Variants in CHD7 observed in about 807,000 individuals in gnomAD.
CHD7 encodes ATP-dependent chromatin remodeler CHD7.
In CHD7, 24 loss-of-function variants were observed where a neutral mutation model predicts 307.3. The observed-to-expected ratio is 0.08, with a 90% CI of 0.06 to 0.11. The LOEUF is 0.11. Ranked by LOEUF, CHD7 falls within the 10% of genes least tolerant of loss-of-function variation. CHD7 has a pLI of 1.00. For synonymous variants in CHD7, 1,363 were observed against 1,349.9 expected, an observed-to-expected ratio of 1.01 and a Z score of -0.21; for missense variants, 3,106 against 3,727.1, an observed-to-expected ratio of 0.83 and a Z score of 4.34.
chr8:60,711,018 A>G (rs1057215380), intron 1 of CHD7, among the ~76,000 whole-genome samples: 5 of 152,158 alleles, frequency 3.3e-5, no homozygotes, highest in African/African-American at 9.7e-5. Flanking sequence ...TTTTTATATC[A>G]TAAGTTACTT....
rs760034378 is a variant in CHD7, at chr8:60,742,548, A to C, written c.1116A>C (p.Ser372=). 1.3e-5 allele frequency: 21 copies of C among 1,613,894 alleles called. No individual in the cohort carries two copies. Among genetic ancestry groups the C allele is most frequent in the Non-Finnish European group, 1.6e-5 (19 of 1,179,910 alleles). Residue 372 remains serine, a synonymous_variant, in exon 2 of 38, where the codon TCA becomes TCC. Transcript: ENST00000423902. ...MHQQPIHPSG[S]LNQMNTQTMH... ...AGCAGCCCATCCACCCCAGTGGCTC[A>C]CTTAACCAAATGAACACACAAACTA...
At chr8:60,708,036 A>G (rs978524040) in intron 1 of CHD7, among the ~76,000 whole-genome samples, 1 of 152,230 alleles carries the variant, frequency 6.6e-6, no homozygotes, top group South Asian at 2.1e-4. Flanking sequence ...TAAAGAATCT[A>G]CTATAACCAG....
rs1198534230 is a variant in CHD7 at position 60,836,859 on chromosome 8, C to T, written c.4032C>T (p.Leu1344=). 6.2e-7 allele frequency: 1 copy of T among 1,613,872 alleles called. No homozygotes were observed. Among genetic ancestry groups the T allele is most frequent in the South Asian group, 1.1e-5 (1 of 91,064 alleles). The change falls in exon 17 of 38, where the codon CTC becomes CTT. Residue 1344 remains leucine, a synonymous_variant. Transcript: ENST00000423902. ...ERIDGRVRGN[L]RQAAIDRFSK... is the part of the protein sequence containing the mutation. ...TCGACGGCCGAGTAAGAGGCAACCTCCGCCAGGCAGCTATCGACAGATTCT... is the reference window on the plus strand; with the variant it reads ...TCGACGGCCGAGTAAGAGGCAACCTTCGCCAGGCAGCTATCGACAGATTCT...
At chr8:60,794,873 T>C (rs964032269) in intron 3 of CHD7, 113 bp from the exon 4 acceptor site, 80 of 959,350 alleles carry the variant, frequency 8.3e-5, no homozygotes, top group Non-Finnish European at 1.1e-4. Context: ...ATAGCCAATA[T>C]GTATGGATTT....
chr8:60,803,853 A>G lies in CHD7; in HGVS notation c.2442+2260A>G, dbSNP rs944400876. 3.9e-5 allele frequency among the ~76,000 whole-genome samples: 6 copies of G among 152,348 alleles called. No individual in the cohort carries two copies. The East Asian group carries it at 1.2e-3, about 29-fold the overall frequency. ...TTGAGATTTTTTGTGGATTCAATCT[A>G]TGCCTGCTGGTCTGTTTCTTATTAC... On this transcript the variant is annotated intron_variant, in intron 6 of 37. Coordinates refer to ENST00000423902, the MANE Select transcript of CHD7 (RefSeq NM_017780.4).
In CHD7 at chr8:60,856,485, G is replaced by A; in HGVS notation, c.7205G>A (p.Arg2402Lys). 1 of 1,613,706 alleles carries A rather than the reference G, an allele frequency of 6.2e-7. No homozygotes were observed. The highest frequency in any genetic ancestry group is 1.1e-5 in the South Asian group (1 of 91,066). ...CTCTCTGTCCCTCGCCAGCGGAGGA[G>A]GAGGAGGAGAAAAATCGAAATTGAG... Reference protein sequence around the residue: ...LNLSVPRQRRRRRRKIEIEAE... With the variant: ...LNLSVPRQRRKRRRKIEIEAE... The change falls in exon 34 of 38, where the codon AGG becomes AAG. Residue 2402 changes from arginine (R) to lysine (K), a missense_variant. Around this residue, in one of 10 missense-constraint regions of CHD7, gnomAD observed 1,030 missense variants for 1,165.4 expected, o/e 0.88. Transcript: ENST00000423902.
intron 12 of CHD7, 140 bp downstream of exon 12, chr8:60,822,886 C>A: frequency 1.6e-6 from 1 of 612,194 alleles, no homozygotes; most frequent in Non-Finnish European, 2.7e-6. Context: ...ACTCAATTTA[C>A]ATTTGTATTA....
At chr8:60,716,955 GA>G (rs1807637235) in intron 1 of CHD7, among the ~76,000 whole-genome samples, 1 of 151,630 alleles carries the variant, frequency 6.6e-6, no homozygotes, top group African/African-American at 2.4e-5. Flanking sequence ...TTCAGAAATT[GA>G]AGACAGTGTT....
At chr8:60,822,308 AGATT>A (rs1181437207) in intron 11 of CHD7, among the ~76,000 whole-genome samples, 163 bp downstream of exon 11, 8 of 152,304 alleles carry the variant, frequency 5.3e-5, no homozygotes, top group South Asian at 2.1e-4. Context: ...ATTAATACAG[AGATT>A]GATATAAGTG....
chr8:60,862,125 T>C (rs1806025190), intron 35 of CHD7, 71 bp from the exon 36 acceptor site: 1 of 1,193,030 alleles, frequency 8.4e-7, no homozygotes, highest in East Asian at 2.6e-5. Flanking sequence ...CTGACAGTTC[T>C]CTTTGGCATT....
intron 2 of CHD7, among the ~76,000 whole-genome samples, chr8:60,778,699 C>T (rs1811066748): frequency 1.3e-5 from 2 of 152,152 alleles, no homozygotes. Context: ...TCTTTCATTT[C>T]CTGAAAAATA....
chr8:60,796,236 G>C (rs963359673), intron 4 of CHD7, among the ~76,000 whole-genome samples: 3 of 152,138 alleles, frequency 2.0e-5, no homozygotes, highest in Admixed American at 6.5e-5. Context: ...TGGCAGTGTG[G>C]GTTATTATGT....
intron 1 of CHD7, among the ~76,000 whole-genome samples, chr8:60,716,992 A>G (rs934680730): frequency 6.6e-6 from 1 of 151,398 alleles, no homozygotes; most frequent in Non-Finnish European, 1.5e-5. Context: ...CCTGATTAGC[A>G]AATTACACAT....
At chr8:60,726,558 T>C (rs1338868221) in intron 1 of CHD7, among the ~76,000 whole-genome samples, 2 of 152,252 alleles carry the variant, frequency 1.3e-5, no homozygotes, top group Non-Finnish European at 2.9e-5. Context: ...GTGCTAATTA[T>C]CTACAAAGTA....
At chr8:60,812,007 G>A (rs953777625) in intron 7 of CHD7, among the ~76,000 whole-genome samples, 7 of 152,072 alleles carry the variant, frequency 4.6e-5, no homozygotes, top group Admixed American at 1.3e-4. Context: ...TTTCTGTCAT[G>A]CTCAACTTTT....
chr8:60,707,904 T>C (rs1807094881), intron 1 of CHD7, among the ~76,000 whole-genome samples: 1 of 152,244 alleles, frequency 6.6e-6, no homozygotes, highest in South Asian at 2.1e-4. Context: ...GCCAGGTACA[T>C]GCAAGTTTGA....
At chr8:60,771,128 T>C (rs1810687704) in intron 2 of CHD7, among the ~76,000 whole-genome samples, 3 of 152,250 alleles carry the variant, frequency 2.0e-5, no homozygotes, top group Non-Finnish European at 2.9e-5. Flanking sequence ...GTGGCCTCTT[T>C]ACAAAGGCTT....
intron 1 of CHD7, among the ~76,000 whole-genome samples, chr8:60,708,861 G>A (rs1807145078): frequency 6.6e-6 from 1 of 151,968 alleles, no homozygotes; most frequent in Non-Finnish European, 1.5e-5. Flanking sequence ...AGTTATATGG[G>A]GGCACATGTC....
chr8:60,771,272 G>A (rs1810696737), intron 2 of CHD7, among the ~76,000 whole-genome samples: 1 of 152,198 alleles, frequency 6.6e-6, no homozygotes, highest in Admixed American at 6.5e-5. Flanking sequence ...GTTATTTATT[G>A]TTATGTGACA....
Sources: allele counts gnomAD v4.1 joint callset (sites outside exome capture counted in the v4.1 genomes callset), GRCh38; gene constraint gnomAD v4.1.1; regional missense constraint gnomAD v4.1.1; transcripts MANE v1.5; gene names NCBI Gene and HGNC (gene_info 2026-07-23, HGNC 2026-07-21).